Variants in FOXP1 observed in about 807,000 individuals in gnomAD.
FOXP1 encodes the protein forkhead box P1.
Under a neutral mutation model 98.2 loss-of-function variants are expected in FOXP1, and 15 were observed. That is an observed-to-expected ratio of 0.15 (90% CI 0.10 to 0.24). The LOEUF (loss-of-function observed/expected upper bound fraction) is 0.24, where lower values mean the gene tolerates loss of function less well. Ranked by LOEUF, FOXP1 falls within the 10% of genes least tolerant of loss-of-function variation. The probability of loss-of-function intolerance (pLI) is 1.00; values close to 1 mark genes in which losing one functional copy is unlikely to be tolerated. For missense variants in FOXP1, 633 were observed against 848.5 expected (o/e 0.75, Z 3.15); for synonymous variants, 371 against 314.5 (o/e 1.18, Z -1.90).
chr3:71,523,004 T>C (rs2043107373), intron 2 of FOXP1, among the ~76,000 whole-genome samples: 1 of 152,156 alleles, frequency 6.6e-6, no homozygotes, highest in South Asian at 2.1e-4. Flanking sequence ...ACTTGGAATA[T>C]GATTGCTGCA....
chr3:71,000,794 A>AAAAATAAAATAAAATAAAATAAAAT lies in FOXP1; in HGVS notation c.1062+153_1062+177dup, dbSNP rs59993750. Among the ~76,000 whole-genome samples the AAAAATAAAATAAAATAAAATAAAAT allele has an allele frequency of 3.6e-3, 442 of 122,152 alleles. 5 individuals carry two copies. The highest frequency in any genetic ancestry group is 0.014 in the African/African-American group (403 of 29,844). The allele number at this position is 122,152 out of a possible 152,430, so 80.1% of individuals were successfully genotyped here. A position where few individuals can be genotyped will look rare whatever the true frequency, so the allele number is the denominator to read the frequency against. On this transcript the variant is annotated intron_variant, in intron 13 of 20. Coordinates refer to ENST00000649528, the MANE Select transcript of FOXP1 (RefSeq NM_001349338.3). ...GGGGCTGAACCTGCCCAAAGAGGTA[A>AAAAATAAAATAAAATAAAATAAAAT]AAAATAAAATAAAATAAAATAAAAT...
At chr3:71,346,313 AT>A (rs1329141276) in intron 4 of FOXP1, among the ~76,000 whole-genome samples, 3 of 152,194 alleles carry the variant, frequency 2.0e-5, no homozygotes, top group Non-Finnish European at 4.4e-5. Context: ...GAGCCATGAT[AT>A]ATAAAGTAAG....
chr3:71,503,469 C>T (rs956596112), intron 2 of FOXP1, among the ~76,000 whole-genome samples: 11 of 151,996 alleles, frequency 7.2e-5, no homozygotes, highest in African/African-American at 2.7e-4. Context: ...GATGTGGTGG[C>T]ACACACCTGT....
chr3:71,159,091 C>T (rs1429589341), intron 6 of FOXP1, among the ~76,000 whole-genome samples: 2 of 113,000 alleles, frequency 1.8e-5, no homozygotes, highest in African/African-American at 7.1e-5. Flanking sequence ...GGTGACAGGG[C>T]GGAACCCTAT....
intron 6 of FOXP1, among the ~76,000 whole-genome samples, chr3:71,142,504 A>G (rs2060119180): frequency 6.6e-6 from 1 of 152,332 alleles, no homozygotes; most frequent in East Asian, 1.9e-4. Context: ...CTGAAGCACA[A>G]GAAAGACTGA....
rs544197594 is a variant in FOXP1, at chr3:71,193,171, G to A, written c.180+5031C>T. 2.7e-3 allele frequency among the ~76,000 whole-genome samples: 393 copies of A among 146,214 alleles called. 3 individuals carry two copies. The highest frequency in any genetic ancestry group is 9.0e-3 in the African/African-American group (341 of 37,826). On this transcript the variant is annotated intron_variant, in intron 6 of 20. Coordinates refer to ENST00000649528, the MANE Select transcript of FOXP1 (RefSeq NM_001349338.3). ...TTTATTTGTGTTTTTTTTTTGAGAC[G>A]GAGTCTTGCTCTGTTGCCCAGGCTG...
rs2048310792 is a variant in FOXP1 at position 71,041,354 on chromosome 3, G to C, written c.843C>G (p.Leu281=). ...MNPHASTNGQ[L]SVHTPKRESL... is the part of the protein sequence containing the mutation. ...TTTCCCTTTTGGGAGTGTGGACTGA[G>C]AGCTGTCCATTGGTAGAGGCATGTG... Residue 281 remains leucine (L), a synonymous_variant, in exon 11 of 21, where the codon CTC becomes CTG. Transcript: ENST00000649528. The C allele has an allele frequency of 1.2e-6, 2 of 1,613,532 alleles. No homozygotes were observed. Among genetic ancestry groups the C allele is most frequent in the South Asian group, 1.1e-5 (1 of 91,086 alleles).
rs371166757 is a variant in FOXP1 at position 71,413,290 on chromosome 3, A to ACACACACACACACC, written c.-167-54047_-167-54046insGGTGTGTGTGTGTG. Among the ~76,000 whole-genome samples the ACACACACACACACC allele has an allele frequency of 1.6e-3, 216 of 138,558 alleles. 2 individuals are homozygous for ACACACACACACACC. The highest frequency in any genetic ancestry group is 2.2e-3 in the Non-Finnish European group (141 of 65,022). 90.9% of individuals were successfully genotyped at this position (138,558 alleles called of 152,430 possible). ...CACACACACACACACACACACACAC[A>ACACACACACACACC]CCCAAAACAGCCAACCAGTATGGAA... is the stretch of plus-strand genomic sequence containing the variant. On this transcript the variant is annotated intron_variant, in intron 3 of 20. Transcript: ENST00000649528.
intron 7 of FOXP1, among the ~76,000 whole-genome samples, chr3:71,063,946 G>C (rs562601965): frequency 3.3e-5 from 5 of 152,106 alleles, no homozygotes; most frequent in South Asian, 2.1e-4. Context: ...GGGGAGGAGA[G>C]GGGTAAAAAG....
At chr3:71,502,954 G>A (rs759789988) in intron 2 of FOXP1, among the ~76,000 whole-genome samples, 7 of 138,580 alleles carry the variant, frequency 5.1e-5, no homozygotes, top group Non-Finnish European at 1.1e-4. Flanking sequence ...TGTTTTCTGT[G>A]ATGATTTTTG....
chr3:71,010,955 T>C (rs899237978), intron 12 of FOXP1, among the ~76,000 whole-genome samples: 1 of 150,856 alleles, frequency 6.6e-6, no homozygotes, highest in African/African-American at 2.4e-5. Context: ...TCAAAGTCAA[T>C]TTGATTTCCC....
chr3:71,295,420 CAATG>C (rs1364549198), intron 5 of FOXP1, among the ~76,000 whole-genome samples: 5 of 152,078 alleles, frequency 3.3e-5, no homozygotes, highest in African/African-American at 1.2e-4. Context: ...AGGTAAGACA[CAATG>C]AATGTTATCT....
chr3:71,533,650 T>C (rs2044046353), intron 2 of FOXP1, among the ~76,000 whole-genome samples: 1 of 152,188 alleles, frequency 6.6e-6, no homozygotes, highest in South Asian at 2.1e-4. Flanking sequence ...CCCCTCACTC[T>C]TTAATTCTGC....
intron 16 of FOXP1, 110 bp from the exon 17 acceptor site, chr3:70,977,152 A>G: frequency 1.3e-6 from 1 of 781,306 alleles, no homozygotes; most frequent in South Asian, 1.4e-5. Context: ...AAATCCTGAG[A>G]AAGGTTTTAC....
At chr3:71,105,302 T>A (rs755499933) in intron 7 of FOXP1, among the ~76,000 whole-genome samples, 2 of 152,262 alleles carry the variant, frequency 1.3e-5, no homozygotes, top group Middle Eastern at 3.4e-3. Context: ...TCACTCTTGA[T>A]CCTGTGGCTC....
At chr3:71,193,077 T>C (rs1489494971) in intron 6 of FOXP1, among the ~76,000 whole-genome samples, 2 of 152,214 alleles carry the variant, frequency 1.3e-5, no homozygotes, top group Non-Finnish European at 2.9e-5. Context: ...TATCAATTCC[T>C]GATTCTCTCA....
intron 4 of FOXP1, among the ~76,000 whole-genome samples, chr3:71,343,091 A>G (rs1454450480): frequency 6.6e-6 from 1 of 152,192 alleles, no homozygotes; most frequent in African/African-American, 2.4e-5. Flanking sequence ...ACACAGAACA[A>G]ATGGCCAGAT....
At chr3:71,138,406 A>G (rs577935826) in intron 6 of FOXP1, among the ~76,000 whole-genome samples, 1 of 152,314 alleles carries the variant, frequency 6.6e-6, no homozygotes, top group East Asian at 1.9e-4. Context: ...ATTAACCTAT[A>G]TGTACGAATA....
intron 3 of FOXP1, among the ~76,000 whole-genome samples, chr3:71,434,957 C>T (rs769641421): frequency 6.6e-6 from 1 of 151,954 alleles, no homozygotes; most frequent in Non-Finnish European, 1.5e-5. Flanking sequence ...CCGTCTCTCT[C>T]GCCTTTGATC....
Sources: gnomAD v4.1 joint callset for allele counts (sites outside exome capture counted in the v4.1 genomes callset) on GRCh38, gnomAD v4.1.1 for gene constraint, MANE v1.5 for transcripts, NCBI Gene and HGNC (gene_info 2026-07-23, HGNC 2026-07-21) for gene names.